TTC7A: variants seen among roughly 807,000 people sequenced by gnomAD.
The protein encoded by TTC7A is tetratricopeptide repeat domain 7A.
A neutral mutation model predicts 103.7 loss-of-function variants in TTC7A; 110 were observed. That is an observed-to-expected ratio of 1.06 (90% CI 0.91 to 1.24). TTC7A has a LOEUF of 1.24. TTC7A is among the 50% of genes most tolerant of loss of function. The pLI, the probability that TTC7A is intolerant of heterozygous loss-of-function variation, is 0.00. For synonymous variants in TTC7A, 521 were observed against 467.9 expected, an observed-to-expected ratio of 1.11 and a Z score of -1.47; for missense variants, 1,340 against 1,116.3, an observed-to-expected ratio of 1.20 and a Z score of -2.86.
chr2:46,933,444 G>T (rs931498851), intron 2 of TTC7A, among the ~76,000 whole-genome samples: 1 of 152,260 alleles, frequency 6.6e-6, no homozygotes, highest in Non-Finnish European at 1.5e-5. Flanking sequence ...TCTGAAGCTT[G>T]CCTTTGTAGG....
At chr2:46,950,330 G>A in intron 1 of TTC7A, 33 bp from the exon 2 acceptor site, 7 of 1,612,110 alleles carry the variant, frequency 4.3e-6, no homozygotes, top group South Asian at 1.1e-5. Flanking sequence ...CTTGTTCGGG[G>A]TTTGCTGCTC....
intron 11 of TTC7A, among the ~76,000 whole-genome samples, chr2:47,016,988 C>T (rs1383631740): frequency 6.6e-6 from 1 of 152,008 alleles, no homozygotes; most frequent in Non-Finnish European, 1.5e-5. Flanking sequence ...CACCCGAGGT[C>T]AGGAGTTCGA....
At chr2:47,000,963 T>C (rs951000309) in intron 8 of TTC7A, among the ~76,000 whole-genome samples, 4 of 152,116 alleles carry the variant, frequency 2.6e-5, no homozygotes, top group Non-Finnish European at 4.4e-5. Flanking sequence ...TATTGGGCAC[T>C]TCCTCGGAGG....
chr2:47,024,256 G>A (rs775300335), intron 13 of TTC7A, 31 bp from the exon 14 acceptor site: 5 of 1,571,630 alleles, frequency 3.2e-6, no homozygotes, highest in Admixed American at 1.8e-5. Context: ...AACCCCTGGT[G>A]CCTGACTTGT....
At chr2:46,994,712 CTA>C (rs1448635313) in intron 7 of TTC7A, among the ~76,000 whole-genome samples, 198 bp downstream of exon 7, 20 of 152,182 alleles carry the variant, frequency 1.3e-4, no homozygotes, top group Non-Finnish European at 2.9e-4. Context: ...GGAGATAATC[CTA>C]TAAGGCACTC....
At chr2:47,000,457 C>T (rs762885999) in intron 8 of TTC7A, among the ~76,000 whole-genome samples, 25 of 152,300 alleles carry the variant, frequency 1.6e-4, no homozygotes, top group Non-Finnish European at 2.6e-4. Flanking sequence ...TCTCTCTAAC[C>T]GGCAGAAAGA....
intron 8 of TTC7A, among the ~76,000 whole-genome samples, chr2:47,004,317 T>C (rs1193127654): frequency 2.0e-5 from 3 of 152,284 alleles, no homozygotes; most frequent in African/African-American, 7.2e-5. Flanking sequence ...CAGAGGCTTC[T>C]GGGAGGACTC....
intron 3 of TTC7A, among the ~76,000 whole-genome samples, chr2:46,973,594 T>G (rs528512406): frequency 6.6e-6 from 1 of 152,322 alleles, no homozygotes; most frequent in South Asian, 2.1e-4. Flanking sequence ...AATGGCGTGC[T>G]TCCAAACAAA....
intron 10 of TTC7A, among the ~76,000 whole-genome samples, chr2:47,008,471 G>A (rs1677665152): frequency 6.6e-6 from 1 of 152,248 alleles, no homozygotes; most frequent in African/African-American, 2.4e-5. Flanking sequence ...CATCCAGGGA[G>A]CTGGTTTCGC....
rs550551787 is a variant in TTC7A at position 46,941,940 on chromosome 2, T to A, written c.184+215T>A. The A allele has an allele frequency of 2.7e-5, 17 of 622,706 alleles. No individual in the cohort carries two copies. In the South Asian group the frequency reaches 3.1e-4, roughly 12 times the overall value. The allele number at this position is 622,706 out of a possible 1,614,324, so 38.6% of individuals were successfully genotyped here. On this transcript the variant is annotated intron_variant, in intron 1 of 19. Transcript: ENST00000319190. This position sits in a 1 kb window ranked among gnomAD's most constrained non-coding sequence, Gnocchi z 4.2. ...GCTTGGAGGGAAGAGAAACGGCTTTTGCTCTGTGTCCTTTAGGATAATGTG... is the reference window on the plus strand; with the variant it reads ...GCTTGGAGGGAAGAGAAACGGCTTTAGCTCTGTGTCCTTTAGGATAATGTG...
At chr2:47,041,835 G>A (rs1359240515) in intron 15 of TTC7A, among the ~76,000 whole-genome samples, 1 of 152,070 alleles carries the variant, frequency 6.6e-6, no homozygotes, top group Non-Finnish European at 1.5e-5. Context: ...TACATAGTAG[G>A]GGAAGGGAAA....
intron 13 of TTC7A, among the ~76,000 whole-genome samples, chr2:47,023,995 C>G (rs1017156419): frequency 6.6e-6 from 1 of 151,746 alleles, no homozygotes; most frequent in African/African-American, 2.4e-5. Flanking sequence ...TATATTCATC[C>G]CATCGTCTTT....
At chr2:47,004,335 C>T (rs1677150159) in intron 8 of TTC7A, among the ~76,000 whole-genome samples, 1 of 152,180 alleles carries the variant, frequency 6.6e-6, no homozygotes, top group Non-Finnish European at 1.5e-5. Context: ...CTCCCTCCAG[C>T]CCTGCGCTGC....
At chr2:46,920,973 T>TA (rs34487440) in intron 2 of TTC7A, among the ~76,000 whole-genome samples, 13,051 of 138,908 alleles carry the variant, frequency 0.094, 956 homozygotes, top group African/African-American at 0.21. Context: ...CTATTCATGA[T>TA]AAAAAAAAAA....
At chr2:46,928,954 G>C (rs1212141348) in intron 2 of TTC7A, among the ~76,000 whole-genome samples, 1 of 152,134 alleles carries the variant, frequency 6.6e-6, no homozygotes, top group Admixed American at 6.5e-5. Context: ...CTTGAGGTGA[G>C]GATTTTGAGA....
Position 47,031,351 on chromosome 2 carries a change from C to G in TTC7A, c.1802+1967C>G, listed in dbSNP as rs548822181. Among the ~76,000 whole-genome samples, 107 of 152,304 alleles carry G rather than the reference C, an allele frequency of 7.0e-4. No homozygotes were observed. In the South Asian group the frequency reaches 0.021, roughly 30 times the overall value. On this transcript the variant is annotated intron_variant, in intron 15 of 19. Transcript: ENST00000319190. ...GCACAAAAGATGTAGGTTCCCCACT[C>G]CTAGTGCCAGTAACCTTGCTTTGAT...
At position 46,941,364 on chromosome 2, in the gene TTC7A, G is replaced by GTGC. The variant is rs997844606; in HGVS notation, c.-159_-157dup. ...CCGGGCGGTGCGCTGGGAGCTGCTGGTGCTGCTGCTGCTGCTGCTGCCCAC... is the reference window on the plus strand; with the variant it reads ...CCGGGCGGTGCGCTGGGAGCTGCTGGTGCTGCTGCTGCTGCTGCTGCTGCCCAC... On this transcript the variant is annotated 5_prime_UTR_variant, in exon 1 of 20. Transcript: ENST00000319190. The surrounding 1 kb of genome is among the most constrained non-coding windows in gnomAD (Gnocchi z 4.2). 6.7e-4 allele frequency: 256 copies of GTGC among 384,142 alleles called. 2 individuals carry two copies. The highest frequency in any genetic ancestry group is 2.8e-3 in the African/African-American group (129 of 46,608). The allele number at this position is 384,142 out of a possible 1,614,324, so 23.8% of individuals were successfully genotyped here. A position where few individuals can be genotyped will look rare whatever the true frequency, so the allele number is the denominator to read the frequency against.
chr2:46,989,006 C>G (rs776673344), intron 5 of TTC7A, among the ~76,000 whole-genome samples: 2 of 152,162 alleles, frequency 1.3e-5, no homozygotes, highest in African/African-American at 4.8e-5. Flanking sequence ...GATAATGAAG[C>G]CTGTCTCCCT....
chr2:47,023,589 G>C (rs1369336278), intron 13 of TTC7A, 124 bp downstream of exon 13: 3 of 1,057,276 alleles, frequency 2.8e-6, no homozygotes, highest in East Asian at 2.6e-5. Context: ...TTACAGATGA[G>C]GGAACTGCAC....
Sources: allele counts gnomAD v4.1 joint callset (sites outside exome capture counted in the v4.1 genomes callset), GRCh38; gene constraint gnomAD v4.1.1; non-coding constraint Gnocchi (gnomAD v3.1); transcripts MANE v1.5; gene names NCBI Gene and HGNC (gene_info 2026-07-23, HGNC 2026-07-21).